Variants in GRM7 observed in about 807,000 individuals in gnomAD.
The protein encoded by GRM7 is metabotropic glutamate receptor 7.
GRM7 carries 35 observed loss-of-function variants against 84.5 expected under a neutral mutation model. The observed-to-expected ratio is 0.41, with a 90% confidence interval of 0.32 to 0.55. The LOEUF (loss-of-function observed/expected upper bound fraction) is 0.55, where lower values mean the gene tolerates loss of function less well. Among genes scored for constraint, GRM7 ranks in the 20% least tolerant of loss-of-function variants. GRM7 has a pLI of 0.19. For synonymous variants in GRM7, 487 were observed against 455.1 expected, an observed-to-expected ratio of 1.07 and a Z score of -0.89; for missense variants, 1,003 against 1,194.6, an observed-to-expected ratio of 0.84 and a Z score of 2.36.
intron 7 of GRM7, among the ~76,000 whole-genome samples, chr3:7,537,198 C>G (rs1185956227): frequency 1.3e-5 from 2 of 152,146 alleles, no homozygotes; most frequent in East Asian, 3.9e-4. Flanking sequence ...GTTCTCTCTC[C>G]TCTTTTGGCC....
Position 6,862,689 on chromosome 3 carries a change from G to T in GRM7, c.519+782G>T, listed in dbSNP as rs116298061. The T allele has an allele frequency of 1.3e-4, 26 of 198,014 alleles. No individual in the cohort carries two copies. Among genetic ancestry groups the T allele is most frequent in the Admixed American group, 1.8e-4 (2 of 11,344 alleles). 12.3% of individuals were successfully genotyped at this position (198,014 alleles called of 1,614,324 possible). On this transcript the variant is annotated intron_variant, in intron 1 of 9. Transcript: ENST00000357716. The surrounding 1 kb of genome is among the most constrained non-coding windows in gnomAD (Gnocchi z 5.2). ...CCTCAGCCCAGGGATGAGCTCACGC[G>T]AAACGAAATCGCTCTCCCTGCCTCC...
At chr3:7,229,722 C>T (rs1360467921) in intron 2 of GRM7, among the ~76,000 whole-genome samples, 440 of 25,312 alleles carry the variant, frequency 0.017, 5 homozygotes, top group Middle Eastern at 0.029. Context: ...TCCATAGACA[C>T]ACACATATAT....
chr3:7,077,146 A>T (rs1373933275), intron 1 of GRM7, among the ~76,000 whole-genome samples: 1 of 152,188 alleles, frequency 6.6e-6, no homozygotes, highest in African/African-American at 2.4e-5. Flanking sequence ...TAGTTCATCC[A>T]TTGTGGAAGA....
At chr3:7,458,582 C>T (rs964412088) in intron 6 of GRM7, among the ~76,000 whole-genome samples, 18 of 151,972 alleles carry the variant, frequency 1.2e-4, no homozygotes, top group South Asian at 6.2e-4. Flanking sequence ...TTTTTAAAAC[C>T]GGAACTTTAA....
intron 9 of GRM7, among the ~76,000 whole-genome samples, chr3:7,707,292 T>G (rs552650145): frequency 1.7e-4 from 26 of 152,266 alleles, no homozygotes; most frequent in African/African-American, 5.5e-4. Context: ...ATTTCAGCAT[T>G]TTAACCTTTC....
chr3:7,258,771 A>G (rs979822438), intron 2 of GRM7, among the ~76,000 whole-genome samples: 1 of 152,194 alleles, frequency 6.6e-6, no homozygotes, highest in African/African-American at 2.4e-5. Flanking sequence ...TTTCAAGGAA[A>G]GCTGTGTTGT....
chr3:7,266,420 T>C (rs1282826316), intron 2 of GRM7, among the ~76,000 whole-genome samples: 2 of 152,128 alleles, frequency 1.3e-5, no homozygotes, highest in Non-Finnish European at 2.9e-5. Flanking sequence ...TCAGCGTAGG[T>C]AGAGGTTGCT....
chr3:7,338,088 T>TA (rs1443974027), intron 4 of GRM7, among the ~76,000 whole-genome samples: 1 of 148,020 alleles, frequency 6.8e-6, no homozygotes, highest in African/African-American at 2.6e-5. Flanking sequence ...ATTTATATAT[T>TA]ATATATCATC....
intron 1 of GRM7, among the ~76,000 whole-genome samples, chr3:6,938,883 ATC>A (rs1213235130): frequency 1.3e-5 from 2 of 152,216 alleles, no homozygotes; most frequent in Non-Finnish European, 2.9e-5. Context: ...AACTTGGGAA[ATC>A]CATTGATATT....
chr3:7,608,302 C>T (rs1406905999), intron 8 of GRM7, among the ~76,000 whole-genome samples: 1 of 151,876 alleles, frequency 6.6e-6, no homozygotes, highest in Non-Finnish European at 1.5e-5. Flanking sequence ...TTTGAGGAAT[C>T]GCTTTCCACT....
At position 7,127,226 on chromosome 3, in the gene GRM7, C is replaced by T. The variant is rs12495971; in HGVS notation, c.520-19226C>T. The stretch of plus-strand genomic sequence containing the variant: ...AACCACATTTACTCCATATTGACAG[C>T]GTCACACCTTTCTCTCCCCTAAACA... On this transcript the variant is annotated intron_variant, in intron 1 of 9. Transcript: ENST00000357716. Among the ~76,000 whole-genome samples the T allele has an allele frequency of 1.3e-4, 19 of 151,962 alleles. 1 individual carries two copies. Among genetic ancestry groups the T allele is most frequent in the East Asian group, 1.9e-4 (1 of 5,176 alleles).
chr3:7,535,671 TTACTC>T (rs1366209710), intron 7 of GRM7, among the ~76,000 whole-genome samples: 1 of 152,216 alleles, frequency 6.6e-6, no homozygotes, highest in Non-Finnish European at 1.5e-5. Flanking sequence ...GCTGGACTCT[TTACTC>T]TTCATGCACA....
At chr3:7,166,407 C>G (rs1447929555) in intron 2 of GRM7, among the ~76,000 whole-genome samples, 1 of 152,116 alleles carries the variant, frequency 6.6e-6, no homozygotes, top group African/African-American at 2.4e-5. Context: ...GATTGTTTCC[C>G]TCTGTCCCAA....
chr3:7,075,952 T>C (rs1384923431), intron 1 of GRM7, among the ~76,000 whole-genome samples: 1 of 152,098 alleles, frequency 6.6e-6, no homozygotes, highest in African/African-American at 2.4e-5. Context: ...TTTTTTACTA[T>C]ATCCCTCCAT....
At chr3:7,315,998 G>A (rs1257160107) in intron 4 of GRM7, among the ~76,000 whole-genome samples, 1 of 152,050 alleles carries the variant, frequency 6.6e-6, no homozygotes, top group Non-Finnish European at 1.5e-5. Context: ...TAAATGGAGT[G>A]GTCAAGATAC....
At chr3:6,884,991 C>A (rs1424277084) in intron 1 of GRM7, among the ~76,000 whole-genome samples, 1 of 152,118 alleles carries the variant, frequency 6.6e-6, no homozygotes, top group East Asian at 1.9e-4. Flanking sequence ...TTCCAATACT[C>A]CACATATATA....
intron 1 of GRM7, among the ~76,000 whole-genome samples, chr3:6,883,850 TA>T (rs1695596729): frequency 5.3e-5 from 8 of 152,252 alleles, no homozygotes; most frequent in African/African-American, 1.9e-4. Flanking sequence ...TGTTGTCAAG[TA>T]GGGCAAGTAG....
intron 9 of GRM7, among the ~76,000 whole-genome samples, chr3:7,693,388 C>CCTCT (rs548361218): frequency 1.3e-5 from 2 of 151,690 alleles, no homozygotes; most frequent in Admixed American, 6.6e-5. Flanking sequence ...ATCACCTGCT[C>CCTCT]CTCTCTCTGC....
At chr3:7,366,220 TCTA>T (rs1693886729) in intron 4 of GRM7, among the ~76,000 whole-genome samples, 1 of 151,874 alleles carries the variant, frequency 6.6e-6, no homozygotes. Context: ...AGATCTGGAT[TCTA>T]CTATCTTCTG....
Sources: gnomAD v4.1 joint callset for allele counts (sites outside exome capture counted in the v4.1 genomes callset) on GRCh38, gnomAD v4.1.1 for gene constraint, Gnocchi (gnomAD v3.1) non-coding constraint, MANE v1.5 for transcripts, NCBI Gene and HGNC (gene_info 2026-07-23, HGNC 2026-07-21) for gene names.